Variants in RNF130 observed in about 807,000 individuals in gnomAD.
RNF130 encodes the protein ring finger protein 130.
RNF130 carries 21 observed loss-of-function variants against 44.6 expected under a neutral mutation model. The ratio of observed to expected loss-of-function variants is 0.47; its 90% confidence interval spans 0.33 to 0.68. The LOEUF (loss-of-function observed/expected upper bound fraction) is 0.68, where lower values mean the gene tolerates loss of function less well. Among genes scored for constraint, RNF130 ranks in the 30% least tolerant of loss-of-function variants. The pLI is 0.02. For missense variants in RNF130, 479 were observed against 560.6 expected (o/e 0.85, Z 1.47); for synonymous variants, 214 against 210.4 (o/e 1.02, Z -0.15).
intron 7 of RNF130, among the ~76,000 whole-genome samples, chr5:179,935,426 C>A (rs1761875537): frequency 6.6e-6 from 1 of 152,192 alleles, no homozygotes; most frequent in Non-Finnish European, 1.5e-5. Context: ...TGGGGAGCAT[C>A]TGTCTGATGC....
At chr5:180,060,761 G>C (rs1044415735) in intron 1 of RNF130, among the ~76,000 whole-genome samples, 1 of 152,168 alleles carries the variant, frequency 6.6e-6, no homozygotes, top group Non-Finnish European at 1.5e-5. Context: ...AAAAGGCTAA[G>C]AACCACTAAC....
chr5:179,978,025 C>T (rs9654545), intron 5 of RNF130, among the ~76,000 whole-genome samples, 178 bp downstream of exon 5: 17,290 of 152,212 alleles, frequency 0.11, 2,139 homozygotes, highest in African/African-American at 0.32. Context: ...CCCGCACCTG[C>T]TGAACAGCAC....
intron 7 of RNF130, among the ~76,000 whole-genome samples, chr5:179,926,009 A>C (rs1290279101): frequency 6.6e-6 from 1 of 152,170 alleles, no homozygotes; most frequent in African/African-American, 2.4e-5. Flanking sequence ...GCAGCTTTCC[A>C]TTCTTGTGAT....
At chr5:180,022,510 C>CA (rs1379870966) in intron 2 of RNF130, among the ~76,000 whole-genome samples, 1 of 152,166 alleles carries the variant, frequency 6.6e-6, no homozygotes, top group Non-Finnish European at 1.5e-5. Context: ...ACAATGCTTT[C>CA]AGTATCAAGA....
At chr5:179,980,240 A>G in intron 3 of RNF130, 40 bp from the exon 4 acceptor site, 1 of 1,560,646 alleles carries the variant, frequency 6.4e-7, no homozygotes, top group Non-Finnish European at 8.8e-7. Context: ...TAAGTGTAAG[A>G]TCTCTGAATG....
chr5:180,068,360 T>A (rs1169712418), intron 1 of RNF130, among the ~76,000 whole-genome samples: 1 of 152,248 alleles, frequency 6.6e-6, no homozygotes, highest in East Asian at 1.9e-4. Context: ...ACAAGACATG[T>A]TCCTTCAAAA....
rs570884111 is a variant in RNF130, at chr5:179,977,857, AAAAT to A, written c.848+342_848+345del. ...GTGACAGAGCGAGACTCCGTCTCAA[AAAAT>A]AAATAAATAAATAAATAAAAGAAAA... is the stretch of plus-strand genomic sequence containing the variant. On this transcript the variant is annotated intron_variant, in intron 5 of 8. Transcript: ENST00000521389. The surrounding 1 kb of genome is among the most constrained non-coding windows in gnomAD (Gnocchi z 4.1). 2.6e-5 allele frequency among the ~76,000 whole-genome samples: 4 copies of A among 152,358 alleles called. No individual in the cohort carries two copies. The highest frequency in any genetic ancestry group is 1.9e-4 in the East Asian group (1 of 5,196).
rs557045515 is a variant in RNF130 at position 179,940,628 on chromosome 5, C to T, written c.1151-20202G>A. Among the ~76,000 whole-genome samples, 5 of 152,044 alleles carry T rather than the reference C, an allele frequency of 3.3e-5. No individual in the cohort carries two copies. The South Asian group carries it at 1.0e-3, about 32-fold the overall frequency. On this transcript the variant is annotated intron_variant, in intron 7 of 7. Transcript: ENST00000522208. ...AAAAATTGAGATAAAGTATCTTTTT[C>T]TCTGCCTTTAAGTTTTTCTGTGCTT... is the stretch of plus-strand genomic sequence containing the variant.
intron 3 of RNF130, among the ~76,000 whole-genome samples, chr5:180,011,405 T>C (rs528339764): frequency 6.6e-6 from 1 of 152,352 alleles, no homozygotes; most frequent in Admixed American, 6.5e-5. Context: ...TTATAAAATA[T>C]ATAACAAAGT....
At chr5:179,928,338 G>A (rs1383562069) in intron 7 of RNF130, among the ~76,000 whole-genome samples, 1 of 151,568 alleles carries the variant, frequency 6.6e-6, no homozygotes, top group Non-Finnish European at 1.5e-5. Context: ...CTCTTTCTGT[G>A]CCAATAATGG....
rs898389338 is a variant in RNF130 at position 179,931,232 on chromosome 5, C to T, written c.1151-10806G>A. Among the ~76,000 whole-genome samples the T allele has an allele frequency of 9.2e-5, 14 of 152,006 alleles. No homozygotes were observed. The South Asian group carries it at 1.0e-3, about 11-fold the overall frequency. On this transcript the variant is annotated intron_variant, in intron 7 of 7. Transcript: ENST00000522208. ...TGAACTGGGACTGTAACACTGATGG[C>T]GATACAGTGTGGGGTGCCAGAAATG... is the stretch of plus-strand genomic sequence containing the variant.
At chr5:179,968,260 A>C (rs1762495234) in intron 6 of RNF130, among the ~76,000 whole-genome samples, 1 of 152,080 alleles carries the variant, frequency 6.6e-6, no homozygotes, top group Non-Finnish European at 1.5e-5. Context: ...GCACCACTGC[A>C]CTCCAGCCTG....
chr5:180,060,075 T>C (rs767880992), intron 1 of RNF130, among the ~76,000 whole-genome samples: 4 of 152,108 alleles, frequency 2.6e-5, no homozygotes, highest in African/African-American at 9.7e-5. Flanking sequence ...GAAGGGGCCA[T>C]GGGCCAGGGA....
chr5:179,934,857 AT>A (rs1223045823), intron 7 of RNF130, among the ~76,000 whole-genome samples: 2 of 151,514 alleles, frequency 1.3e-5, no homozygotes, highest in African/African-American at 4.9e-5. Flanking sequence ...GGCTTGGTTG[AT>A]TTTTTTTCTA....
chr5:179,933,551 C>A (rs1761843087), intron 7 of RNF130, among the ~76,000 whole-genome samples: 1 of 147,862 alleles, frequency 6.8e-6, no homozygotes. Context: ...GAGACATGAT[C>A]TCCTCTGTTG....
intron 6 of RNF130, among the ~76,000 whole-genome samples, chr5:179,967,408 A>G (rs1762475849): frequency 6.6e-6 from 1 of 152,212 alleles, no homozygotes; most frequent in African/African-American, 2.4e-5. Context: ...CACCTCTTTC[A>G]TCCTACTAAC....
At chr5:180,010,222 C>G (rs1207217365) in intron 3 of RNF130, among the ~76,000 whole-genome samples, 2 of 114,086 alleles carry the variant, frequency 1.8e-5, no homozygotes, top group Non-Finnish European at 1.6e-5. Flanking sequence ...ACTCCAGCCT[C>G]GGCGACAGTG....
chr5:179,971,206 CG>C (rs933356613), intron 5 of RNF130, among the ~76,000 whole-genome samples: 2 of 152,108 alleles, frequency 1.3e-5, no homozygotes, highest in Admixed American at 1.3e-4. Flanking sequence ...TTGTGCCCTC[CG>C]GAAGAGCTGC....
chr5:179,967,157 T>C, intron 6 of RNF130, 147 bp from the exon 7 acceptor site: 1 of 648,576 alleles, frequency 1.5e-6, no homozygotes. Flanking sequence ...TCTGCCCACC[T>C]ACCTACTCCT....
Sources: gnomAD v4.1 joint callset for allele counts (sites outside exome capture counted in the v4.1 genomes callset) on GRCh38, gnomAD v4.1.1 for gene constraint, Gnocchi (gnomAD v3.1) non-coding constraint, MANE v1.5 for transcripts, NCBI Gene and HGNC (gene_info 2026-07-23, HGNC 2026-07-21) for gene names.